Variants in ICAM5 observed in about 807,000 individuals in gnomAD.
The protein encoded by ICAM5 is intercellular adhesion molecule 5.
A neutral mutation model predicts 78.8 loss-of-function variants in ICAM5; 38 were observed. The ratio of observed to expected loss-of-function variants is 0.48; its 90% confidence interval spans 0.37 to 0.63. The LOEUF (loss-of-function observed/expected upper bound fraction) is 0.63. ICAM5 is among the 30% of genes least tolerant of loss of function. The pLI is 0.00. For missense variants in ICAM5, 1,059 were observed against 1,303.0 expected (o/e 0.81, Z 2.88); for synonymous variants, 544 against 590.9 (o/e 0.92, Z 1.15).
chr19:10,291,182 G>C lies in ICAM5; in HGVS notation c.193G>C (p.Gly65Arg). 6.2e-7 allele frequency: 1 copy of C among 1,612,314 alleles called. No individual in the cohort carries two copies. The highest frequency in any genetic ancestry group is 8.5e-7 in the Non-Finnish European group (1 of 1,179,886). Residue 65 changes from glycine to arginine, a missense_variant, in exon 2 of 11, where the codon GGT becomes CGT. This residue lies in a region of ICAM5 where 815 missense variants were observed against 952.8 expected (regional missense o/e 0.86). Transcript: ENST00000221980. ...CACCAACTGCCCTCGGCCGGAGCGC[G>C]GTGGCCTGGAGACCTCGCTGCGCCG... ...CSTNCPRPER[G>R]GLETSLRRNG...
chr19:10,293,215 G>A lies in ICAM5; in HGVS notation c.1434G>A (p.Glu478=). The A allele has an allele frequency of 1.2e-6, 2 of 1,600,540 alleles. No homozygotes were observed. Among genetic ancestry groups the A allele is most frequent in the Non-Finnish European group, 1.7e-6 (2 of 1,173,710 alleles). The change falls in exon 6 of 11, where the codon GAG becomes GAA. Residue 478 remains glutamate, a synonymous_variant. Coordinates refer to ENST00000221980, the MANE Select transcript of ICAM5 (RefSeq NM_003259.4). This position sits in a 1 kb window ranked among gnomAD's most constrained non-coding sequence, Gnocchi z 5.0. The part of the protein sequence containing the change: ...YRCKAANDQG[E]AVKDVTLTVE... ...GCAAGGCGGCCAATGATCAAGGCGA[G>A]GCGGTCAAGGACGTAACGCTAACGG... is the stretch of plus-strand genomic sequence containing the variant.
chr19:10,292,963 G>T, intron 5 of ICAM5, 35 bp from the exon 6 acceptor site: 2 of 1,610,476 alleles, frequency 1.2e-6, no homozygotes, highest in Non-Finnish European at 1.7e-6. Context: ...CATTTCTTAC[G>T]TCTAAGCCTC....
At chr19:10,292,407 T>A in intron 4 of ICAM5, 85 bp downstream of exon 4, 1 of 1,456,684 alleles carries the variant, frequency 6.9e-7, no homozygotes, top group Non-Finnish European at 9.2e-7. Context: ...GGGACCTCAG[T>A]ACCGGAACAG....
At position 10,292,765 on chromosome 19, in the gene ICAM5, C is replaced by T. The variant is rs2049774252; in HGVS notation, c.1115C>T (p.Ala372Val). 1.5e-5 allele frequency: 25 copies of T among 1,613,212 alleles called. No individual in the cohort carries two copies. Among genetic ancestry groups the T allele is most frequent in the Non-Finnish European group, 1.9e-5 (23 of 1,179,982 alleles). The change falls in exon 5 of 11, where the codon GCC (alanine) becomes GTC (valine). Residue 372 changes from alanine (A) to valine (V), a missense_variant. This residue lies in a region of ICAM5 where 815 missense variants were observed against 952.8 expected (regional missense o/e 0.86). Transcript: ENST00000221980. ...CAGCCCGCCCAGCTTCAGCTAAATGCCACCGAGAACGACGACAGACGCAGC... is the reference window on the plus strand; with the variant it reads ...CAGCCCGCCCAGCTTCAGCTAAATGTCACCGAGAACGACGACAGACGCAGC... ...PGQPAQLQLN[A>V]TENDDRRSFF...
chr19:10,292,060 C>T lies in ICAM5; in HGVS notation c.699C>T (p.Leu233=), dbSNP rs761875101. 4 of 1,612,532 alleles carry T rather than the reference C, an allele frequency of 2.5e-6. No homozygotes were observed. In the Admixed American group the frequency reaches 5.0e-5, roughly 20 times the overall value. ...CCCTGTCTCCGGATGCCCCGCGCCTCGCTGCTCCCCGGCTCTTGGAAGTTG... is the reference window on the plus strand; with the variant it reads ...CCCTGTCTCCGGATGCCCCGCGCCTTGCTGCTCCCCGGCTCTTGGAAGTTG... ...TFSLSPDAPR[L]AAPRLLEVGS... is the part of the protein sequence containing the mutation. Residue 233 remains leucine (L), a synonymous_variant, in exon 4 of 11, where the codon CTC becomes CTT. Coordinates refer to ENST00000221980, the MANE Select transcript of ICAM5 (RefSeq NM_003259.4).
rs2569703 is a variant in ICAM5, at chr19:10,293,551, C to T, written c.1466-147C>T. On this transcript the variant is annotated intron_variant, in intron 6 of 10. Coordinates refer to ENST00000221980, the MANE Select transcript of ICAM5 (RefSeq NM_003259.4). The surrounding 1 kb of genome is among the most constrained non-coding windows in gnomAD (Gnocchi z 5.0). Reference sequence around the variant, plus strand: ...AGGAAGCTCCCAGACAGAGTGCATGCCTCGACTAGCGTGACACCTCCTTGG... The same window carrying T: ...AGGAAGCTCCCAGACAGAGTGCATGTCTCGACTAGCGTGACACCTCCTTGG... The T allele has an allele frequency of 1.7e-6, 2 of 1,176,168 alleles. No individual in the cohort carries two copies. Among genetic ancestry groups the T allele is most frequent in the Admixed American group, 5.0e-5 (2 of 40,274 alleles). The allele number at this position is 1,176,168 out of a possible 1,614,324, so 72.9% of individuals were successfully genotyped here. A position where few individuals can be genotyped will look rare whatever the true frequency, so the allele number is the denominator to read the frequency against.
rs749684915 is a variant in ICAM5 at position 10,293,687 on chromosome 19, C to G, written c.1466-11C>G. On this transcript the variant is annotated splice_polypyrimidine_tract_variant and intron_variant, in intron 6 of 10. Transcript: ENST00000221980. This position sits in a 1 kb window ranked among gnomAD's most constrained non-coding sequence, Gnocchi z 5.0. ...CAAACCCCAAAGCCAACAATACACT[C>G]CCTCCTCCAGACGCACCAGCGCTGG... 1 of 1,610,528 alleles carries G rather than the reference C, an allele frequency of 6.2e-7. No individual in the cohort carries two copies. Among genetic ancestry groups the G allele is most frequent in the East Asian group, 2.2e-5 (1 of 44,768 alleles).
At chr19:10,291,023 G>C in intron 1 of ICAM5, 49 bp from the exon 2 acceptor site, 1 of 1,558,748 alleles carries the variant, frequency 6.4e-7, no homozygotes, top group Non-Finnish European at 8.7e-7. Context: ...GGGGCGCTAA[G>C]ATGTCAGGGA....
Position 10,296,608 on chromosome 19 carries a change from T to G in ICAM5, c.2767T>G (p.Ser923Ala), listed in dbSNP as rs2040222878. The G allele has an allele frequency of 1.4e-5, 17 of 1,211,816 alleles. No homozygotes were observed. Among genetic ancestry groups the G allele is most frequent in the Non-Finnish European group, 1.5e-5 (15 of 970,384 alleles). 75.1% of individuals were successfully genotyped at this position (1,211,816 alleles called of 1,614,324 possible). The part of the protein sequence containing the change: ...EGEVFAIQLT[S>A]A Reference sequence around the variant, plus strand: ...CGAGGTCTTCGCCATACAGCTGACATCGGCGTGAGCCCGCTCCCCTCTCCC... The same window carrying G: ...CGAGGTCTTCGCCATACAGCTGACAGCGGCGTGAGCCCGCTCCCCTCTCCC... Residue 923 changes from serine (S) to alanine (A), a missense_variant, in exon 11 of 11, where the codon TCG becomes GCG. By Grantham distance (99) the Ser-to-Ala change is moderately conservative (BLOSUM62 1). Coordinates refer to ENST00000221980, the MANE Select transcript of ICAM5 (RefSeq NM_003259.4).
Position 10,292,813 on chromosome 19 carries a change from A to T in ICAM5, c.1163A>T (p.Asp388Val). 1 of 1,612,936 alleles carries T rather than the reference A, an allele frequency of 6.2e-7. No homozygotes were observed. The highest frequency in any genetic ancestry group is 8.5e-7 in the Non-Finnish European group (1 of 1,179,912). Residue 388 changes from aspartate to valine, a missense_variant, in exon 5 of 11, where the codon GAT becomes GTT. This residue lies in a region of ICAM5 where 815 missense variants were observed against 952.8 expected (regional missense o/e 0.86). Transcript: ENST00000221980. ...AGCTTCTTCTGCGACGCCACCCTCG[A>T]TGTGGACGGGGAGACCCTGATCAAG... ...RRSFFCDATLDVDGETLIKNR... is the reference protein window; with the variant it reads ...RRSFFCDATLVVDGETLIKNR...
chr19:10,294,125 T>C lies in ICAM5; in HGVS notation c.1797T>C (p.Asp599=). ...GGCGCCTGTTTTCCTGTGAGGTCGA[T>C]GGGAAGCCACAGCCAAGCGTGAAGT... ...GSGRLFSCEV[D]GKPQPSVKCV... is the part of the protein sequence containing the mutation. Residue 599 remains aspartate, a synonymous_variant, in exon 8 of 11, where the codon GAT becomes GAC. Transcript: ENST00000221980. The surrounding 1 kb of genome is among the most constrained non-coding windows in gnomAD (Gnocchi z 7.7). 1 of 1,604,810 alleles carries C rather than the reference T, an allele frequency of 6.2e-7. No homozygotes were observed.
At chr19:10,291,002 G>T in intron 1 of ICAM5, 70 bp from the exon 2 acceptor site, 1 of 1,504,550 alleles carries the variant, frequency 6.6e-7, no homozygotes, top group South Asian at 1.3e-5. Flanking sequence ...GAGAACCCTT[G>T]ACTCGACATA....
chr19:10,291,658 C>G lies in ICAM5; in HGVS notation c.522C>G (p.Pro174=), dbSNP rs2040173752. Residue 174 remains proline (P), a synonymous_variant, in exon 3 of 11, where the codon CCC becomes CCG. Coordinates refer to ENST00000221980, the MANE Select transcript of ICAM5 (RefSeq NM_003259.4). ...GCCGCAGCTTCGCCGGTGAACCACC[C>G]CGAGCGCGGGGCGCGGTGCTCACAG... The part of the protein sequence containing the change: ...LIRRSFAGEP[P]RARGAVLTAT... 15 of 1,611,900 alleles carry G rather than the reference C, an allele frequency of 9.3e-6. No individual in the cohort carries two copies. The highest frequency in any genetic ancestry group is 1.2e-5 in the Non-Finnish European group (14 of 1,179,560).
chr19:10,292,894 C>A lies in ICAM5; in HGVS notation c.1216+28C>A, dbSNP rs1156364692. Reference sequence around the variant, plus strand: ...GAGTTGGTGATAACCCCTCGCCCCCCACCTTCTGGTGACTTCCAAGGACCC... The same window carrying A: ...GAGTTGGTGATAACCCCTCGCCCCCAACCTTCTGGTGACTTCCAAGGACCC... On this transcript the variant is annotated intron_variant, in intron 5 of 10. Coordinates refer to ENST00000221980, the MANE Select transcript of ICAM5 (RefSeq NM_003259.4). 4 of 1,606,278 alleles carry A rather than the reference C, an allele frequency of 2.5e-6. No individual in the cohort carries two copies. The Admixed American group carries it at 6.8e-5, about 27-fold the overall frequency.
rs753009545 is a variant in ICAM5, at chr19:10,291,238, G to A, written c.249G>A (p.Leu83=). The change falls in exon 2 of 11, where the codon TTG becomes TTA. Residue 83 remains leucine, a synonymous_variant. Transcript: ENST00000221980. ...RNGTQRGLRW[L]ARQLVDIREP... ...GGACCCAGAGGGGTTTGCGTTGGTT[G>A]GCGCGGCAGCTGGTGGACATTCGCG... is the stretch of plus-strand genomic sequence containing the variant. The A allele has an allele frequency of 6.2e-7, 1 of 1,612,466 alleles. No homozygotes were observed. The highest frequency in any genetic ancestry group is 8.5e-7 in the Non-Finnish European group (1 of 1,179,938).
Position 10,289,969 on chromosome 19 carries a change from C to A in ICAM5, c.-75C>A. 2 of 1,255,996 alleles carry A rather than the reference C, an allele frequency of 1.6e-6. No individual in the cohort carries two copies. Among genetic ancestry groups the A allele is most frequent in the Non-Finnish European group, 2.2e-6 (2 of 923,488 alleles). 77.8% of individuals were successfully genotyped at this position (1,255,996 alleles called of 1,614,324 possible). A position where few individuals can be genotyped will look rare whatever the true frequency, so the allele number is the denominator to read the frequency against. ...CCTCCCCCACACCCCACCCGCCGCG[C>A]CGCGCGGAGCCGTCCTCTAGCCCAG... On this transcript the variant is annotated 5_prime_UTR_variant, in exon 1 of 11. Transcript: ENST00000221980.
In ICAM5 at chr19:10,294,289, T is replaced by G. The variant is rs1477810334; in HGVS notation, c.1961T>G (p.Val654Gly). ...AACGCCACCAACCGCCACGGCTCCG[T>G]GGCCAAAACAGTCGTCGTGAGCGCG... ...VCNATNRHGS[V>G]AKTVVVSAES... The change falls in exon 8 of 11, where the codon GTG (valine) becomes GGG (glycine). Residue 654 changes from valine (V) to glycine (G), a missense_variant. Transcript: ENST00000221980. The surrounding 1 kb of genome is among the most constrained non-coding windows in gnomAD (Gnocchi z 7.7). The G allele has an allele frequency of 6.2e-7, 1 of 1,613,218 alleles. No homozygotes were observed. Among genetic ancestry groups the G allele is most frequent in the South Asian group, 1.1e-5 (1 of 91,040 alleles).
At chr19:10,296,299 C>CA in intron 10 of ICAM5, 40 bp from the exon 11 acceptor site, 1 of 1,227,604 alleles carries the variant, frequency 8.1e-7, no homozygotes, top group Non-Finnish European at 1.0e-6. Flanking sequence ...AGAAGCCCCC[C>CA]GGAGCTTGGC....
Position 10,290,324 on chromosome 19 carries a change from C to A in ICAM5, c.82+199C>A. 2.0e-6 allele frequency: 1 copy of A among 512,670 alleles called. No individual in the cohort carries two copies. The highest frequency in any genetic ancestry group is 3.6e-5 in the Admixed American group (1 of 27,758). The allele number at this position is 512,670 out of a possible 1,614,324, so 31.8% of individuals were successfully genotyped here. On this transcript the variant is annotated intron_variant, in intron 1 of 10. Coordinates refer to ENST00000221980, the MANE Select transcript of ICAM5 (RefSeq NM_003259.4). The surrounding 1 kb of genome is among the most constrained non-coding windows in gnomAD (Gnocchi z 5.7). The stretch of plus-strand genomic sequence containing the variant: ...CAGCTTCCTGACTCCTCGATAGCCC[C>A]TACCCGCTTCGAGATCCTAGGTGTT...
Sources: allele counts gnomAD v4.1 joint callset, GRCh38; gene constraint gnomAD v4.1.1; regional missense constraint gnomAD v4.1.1; non-coding constraint Gnocchi (gnomAD v3.1); transcripts MANE v1.5; gene names NCBI Gene and HGNC (gene_info 2026-07-23, HGNC 2026-07-21).